The following PCDH15 variants were observed in gnomAD, a reference collection of about 807,000 sequenced individuals.
PCDH15 encodes protocadherin related 15, also known as protocadherin-15.
PCDH15 carries 129 observed loss-of-function variants against 178.5 expected under a neutral mutation model. The observed-to-expected ratio is 0.72, with a 90% CI of 0.63 to 0.84. The LOEUF (loss-of-function observed/expected upper bound fraction) is 0.84, where lower values mean the gene tolerates loss of function less well. Ranked by LOEUF, PCDH15 falls within the 40% of genes least tolerant of loss-of-function variation. PCDH15 has a pLI of 0.00. For missense variants in PCDH15, 2,230 were observed against 2,099.9 expected (o/e 1.06, Z -1.21); for synonymous variants, 800 against 732.0 (o/e 1.09, Z -1.50).
At chr10:54,982,948 C>G (rs1839276546) in intron 2 of PCDH15, among the ~76,000 whole-genome samples, 2 of 152,086 alleles carry the variant, frequency 1.3e-5, no homozygotes, top group South Asian at 2.1e-4. Context: ...ACAGAGACTC[C>G]AACAGCTTGA....
At chr10:54,533,641 CT>C (rs139260443) in intron 2 of PCDH15, among the ~76,000 whole-genome samples, 4,791 of 151,868 alleles carry the variant, frequency 0.032, 238 homozygotes, top group African/African-American at 0.11. Flanking sequence ...ATCAACTTAC[CT>C]TTTTTTTGTC....
intron 12 of PCDH15, 149 bp from the exon 13 acceptor site, chr10:54,183,742 A>G: frequency 1.2e-6 from 1 of 833,202 alleles, no homozygotes; most frequent in Non-Finnish European, 2.0e-6. Context: ...GACGTAATAG[A>G]GACGTAATAT....
chr10:53,852,191 T>G (rs748371641), intron 28 of PCDH15, among the ~76,000 whole-genome samples: 13 of 152,078 alleles, frequency 8.5e-5, no homozygotes, highest in Non-Finnish European at 4.4e-5. Context: ...CATAGTTTCT[T>G]CTTTAGACAA....
At position 53,806,650 on chromosome 10, in the gene PCDH15, T is replaced by C. The variant is rs1564506317; in HGVS notation, c.5152A>G (p.Thr1718Ala). The C allele has an allele frequency of 6.2e-7, 1 of 1,613,828 alleles. No homozygotes were observed. Residue 1718 changes from threonine (T) to alanine (A), a missense_variant, in exon 38 of 38, where the codon ACA becomes GCA. Thr to Ala is a moderately conservative substitution (Grantham distance 58). Transcript: ENST00000644397. ...CAAAGCTCTTCATCATCAGACTGTGTGTGGTCACTATGAAATTCCAAAGCC... is the reference window on the plus strand; with the variant it reads ...CAAAGCTCTTCATCATCAGACTGTGCGTGGTCACTATGAAATTCCAAAGCC... ...KEALEFHSDH[T>A]QSDDEELWMG...
chr10:54,975,711 A>T (rs926091769), intron 2 of PCDH15, among the ~76,000 whole-genome samples: 17 of 152,284 alleles, frequency 1.1e-4, no homozygotes, highest in African/African-American at 3.6e-4. Flanking sequence ...TAGTTAAGTG[A>T]GATATATCAT....
intron 2 of PCDH15, among the ~76,000 whole-genome samples, chr10:54,640,824 C>T (rs1414601127): frequency 6.6e-6 from 1 of 152,084 alleles, no homozygotes; most frequent in Non-Finnish European, 1.5e-5. Context: ...TACAAACAGG[C>T]CAGGCTCAGT....
intron 20 of PCDH15, among the ~76,000 whole-genome samples, chr10:54,017,766 G>A (rs2135251810): frequency 1.3e-5 from 2 of 152,038 alleles, no homozygotes; most frequent in Middle Eastern, 6.8e-3. Context: ...TGTAACAAAT[G>A]TGAACATGTA....
chr10:53,940,757 A>G, intron 24 of PCDH15, 109 bp downstream of exon 24: 3 of 854,478 alleles, frequency 3.5e-6, no homozygotes, highest in Non-Finnish European at 5.8e-6. Context: ...GATGGGCACA[A>G]TTTTATTAGA....
intron 2 of PCDH15, among the ~76,000 whole-genome samples, chr10:54,560,189 A>G (rs1293654556): frequency 6.6e-6 from 1 of 152,076 alleles, no homozygotes; most frequent in East Asian, 1.9e-4. Flanking sequence ...ATGTCCGCCT[A>G]TAGAAGATTT....
intron 9 of PCDH15, among the ~76,000 whole-genome samples, chr10:54,234,426 G>A (rs1055644378): frequency 9.2e-5 from 14 of 151,996 alleles, no homozygotes; most frequent in South Asian, 2.1e-4. Flanking sequence ...AGTGGCTCAC[G>A]CCTGTAATCC....
intron 2 of PCDH15, among the ~76,000 whole-genome samples, chr10:55,531,817 G>C (rs1414306095): frequency 6.6e-6 from 1 of 152,146 alleles, no homozygotes; most frequent in African/African-American, 2.4e-5. Context: ...TTAATCTTAC[G>C]TGTGTTAATA....
chr10:53,921,891 C>T (rs2084030246), intron 25 of PCDH15, among the ~76,000 whole-genome samples: 1 of 152,110 alleles, frequency 6.6e-6, no homozygotes, highest in Admixed American at 6.5e-5. Flanking sequence ...GACACCATAC[C>T]TCCCTATTTA....
chr10:54,136,028 A>G, intron 14 of PCDH15, among the ~76,000 whole-genome samples: 1 of 152,220 alleles, frequency 6.6e-6, no homozygotes, highest in Non-Finnish European at 1.5e-5. Flanking sequence ...AGTGCAAACG[A>G]TCTTGCATTT....
intron 2 of PCDH15, among the ~76,000 whole-genome samples, chr10:55,524,554 G>A (rs878894980): frequency 1.3e-5 from 2 of 151,296 alleles, no homozygotes; most frequent in African/African-American, 2.4e-5. Flanking sequence ...TTACCTTTAA[G>A]AAACCACTAA....
intron 13 of PCDH15, among the ~76,000 whole-genome samples, chr10:54,169,753 C>A (rs140513824): frequency 9.9e-5 from 15 of 152,002 alleles, no homozygotes; most frequent in Admixed American, 3.9e-4. Context: ...CATCCCATCC[C>A]GCAGCACGCT....
chr10:53,868,132 G>A (rs1245136839), intron 26 of PCDH15, among the ~76,000 whole-genome samples: 1 of 151,816 alleles, frequency 6.6e-6, no homozygotes, highest in African/African-American at 2.4e-5. Flanking sequence ...ATGGTAGATA[G>A]GAGAGTTTTA....
At position 54,940,379 on chromosome 10, in the gene PCDH15, T is replaced by G. The variant is rs190102080; in HGVS notation, c.-79-42879A>C. On this transcript the variant is annotated intron_variant, in intron 2 of 5. Coordinates refer to the PCDH15 transcript ENST00000458638. ...GTTGTTCGTTTTTTATTTAGTTCTA[T>G]TTTGGTCAGAGAAACTTTGTGTGAT... is the stretch of plus-strand genomic sequence containing the variant. 7.9e-5 allele frequency among the ~76,000 whole-genome samples: 12 copies of G among 152,266 alleles called. No individual in the cohort carries two copies. The East Asian group carries it at 2.3e-3, about 29-fold the overall frequency.
intron 23 of PCDH15, among the ~76,000 whole-genome samples, chr10:53,946,431 A>G (rs759095251): frequency 2.0e-5 from 3 of 152,108 alleles, no homozygotes; most frequent in Non-Finnish European, 2.9e-5. Context: ...TGATCTTTTT[A>G]CTGCCTCTAT....
intron 1 of PCDH15, among the ~76,000 whole-genome samples, chr10:54,709,407 C>T (rs986577994): frequency 6.6e-6 from 1 of 151,610 alleles, no homozygotes; most frequent in Non-Finnish European, 1.5e-5. Flanking sequence ...AAAAGTTATA[C>T]TGCACAATCT....
Sources: gnomAD v4.1 joint callset for allele counts (sites outside exome capture counted in the v4.1 genomes callset) on GRCh38, gnomAD v4.1.1 for gene constraint, MANE v1.5 for transcripts, NCBI Gene and HGNC (gene_info 2026-07-23, HGNC 2026-07-21) for gene names.